WSB2: variants seen among roughly 807,000 people sequenced by gnomAD.
WSB2 encodes the protein WD repeat and SOCS box containing 2, also known as WD repeat and SOCS box-containing protein 2.
A neutral mutation model predicts 48.8 loss-of-function variants in WSB2; 12 were observed. The observed-to-expected ratio is 0.25, with a 90% CI of 0.16 to 0.40. WSB2 has a LOEUF of 0.40. Among genes scored for constraint, WSB2 ranks in the 10% least tolerant of loss-of-function variants. The probability of loss-of-function intolerance (pLI) is 1.00; values close to 1 mark genes in which losing one functional copy is unlikely to be tolerated. For missense variants in WSB2, 317 were observed against 506.2 expected, an observed-to-expected ratio of 0.63 and a Z score of 3.59; for synonymous variants, 191 against 203.1, an observed-to-expected ratio of 0.94 and a Z score of 0.51.
Position 118,043,975 on chromosome 12 carries a change from CG to C in WSB2, c.183-599del, listed in dbSNP as rs1300624077. 2.6e-5 allele frequency among the ~76,000 whole-genome samples: 4 copies of C among 151,858 alleles called. No homozygotes were observed. In the East Asian group the frequency reaches 7.7e-4, roughly 29 times the overall value. ...CTACTAAAAAAAAAAAACAATTCGC[CG>C]GGCGTAGTGGCGGGTGCCTGTAACC... is the stretch of plus-strand genomic sequence containing the variant. On this transcript the variant is annotated intron_variant, in intron 2 of 8. Coordinates refer to ENST00000315436, the MANE Select transcript of WSB2 (RefSeq NM_018639.5).
At position 118,043,515 on chromosome 12, in the gene WSB2, G is replaced by C. The variant is rs556993004; in HGVS notation, c.183-138C>G. 6.4e-5 allele frequency: 85 copies of C among 1,322,644 alleles called. 1 individual carries two copies. The African/African-American group carries it at 1.2e-3, about 18-fold the overall frequency. 81.9% of individuals were successfully genotyped at this position (1,322,644 alleles called of 1,614,324 possible). ...GCTGGCGTACAGTGACACAATCATG[G>C]CTCACTGCAGCCTCGACCTCCCTGT... On this transcript the variant is annotated intron_variant, in intron 2 of 8. Transcript: ENST00000315436.
At chr12:118,036,961 C>A (rs1219669159) in intron 5 of WSB2, among the ~76,000 whole-genome samples, 2 of 152,128 alleles carry the variant, frequency 1.3e-5, no homozygotes, top group African/African-American at 4.8e-5. Flanking sequence ...GTGGGTGGAT[C>A]ACATGAGGCC....
In WSB2 at chr12:118,032,897, A is replaced by G. The variant is rs1369550536; in HGVS notation, c.*1299T>C. 6.6e-6 allele frequency: 1 copy of G among 152,006 alleles called. No individual in the cohort carries two copies. The highest frequency in any genetic ancestry group is 2.4e-5 in the African/African-American group (1 of 41,396). The allele number at this position is 152,006 out of a possible 1,614,324, so 9.4% of individuals were successfully genotyped here. On this transcript the variant is annotated 3_prime_UTR_variant, in exon 9 of 9. Transcript: ENST00000315436. ...TTCTTAATGGAAAAAAATGAAACAG[A>G]GAGCCAAAAGCTTTTAACTGTTGTT...
At position 118,056,891 on chromosome 12, in the gene WSB2, A is replaced by G. The variant is rs564393623; in HGVS notation, c.13+4145T>C. Among the ~76,000 whole-genome samples the G allele has an allele frequency of 9.9e-5, 15 of 152,016 alleles. No individual in the cohort carries two copies. The East Asian group carries it at 2.7e-3, about 27-fold the overall frequency. ...ACTCCAGCCTGGGTGACAGAGCAAGACTCTGTCCCCAAAAAATAAAAAATA... is the reference window on the plus strand; with the variant it reads ...ACTCCAGCCTGGGTGACAGAGCAAGGCTCTGTCCCCAAAAAATAAAAAATA... On this transcript the variant is annotated intron_variant, in intron 1 of 8. Coordinates refer to ENST00000315436, the MANE Select transcript of WSB2 (RefSeq NM_018639.5).
At chr12:118,050,778 G>A (rs1593471193) in intron 2 of WSB2, among the ~76,000 whole-genome samples, 1 of 152,332 alleles carries the variant, frequency 6.6e-6, no homozygotes, top group East Asian at 1.9e-4. Flanking sequence ...TCGGCCAGGT[G>A]TGGTGGCTCA....
intron 2 of WSB2, among the ~76,000 whole-genome samples, chr12:118,048,511 A>G (rs1256209104): frequency 6.6e-6 from 1 of 151,742 alleles, no homozygotes; most frequent in African/African-American, 2.4e-5. Context: ...ACTTGAATCC[A>G]GGAGGCAGAG....
rs572479181 is a variant in WSB2 at position 118,055,783 on chromosome 12, T to C, written c.14-3305A>G. 2.0e-5 allele frequency among the ~76,000 whole-genome samples: 3 copies of C among 151,720 alleles called. No homozygotes were observed. In the South Asian group the frequency reaches 6.3e-4, roughly 32 times the overall value. ...GCGTGCACCACCACACCCAGCTAATTTTTGTATTTTTAGTAGAGACAGGTT... is the reference window on the plus strand; with the variant it reads ...GCGTGCACCACCACACCCAGCTAATCTTTGTATTTTTAGTAGAGACAGGTT... On this transcript the variant is annotated intron_variant, in intron 1 of 8. Transcript: ENST00000315436.
intron 2 of WSB2, among the ~76,000 whole-genome samples, chr12:118,051,621 G>A (rs1369719200): frequency 5.3e-5 from 8 of 152,132 alleles, no homozygotes; most frequent in Non-Finnish European, 1.2e-4. Flanking sequence ...GGGGTTGGGG[G>A]ATCTAAATTA....
chr12:118,054,015 A>G (rs1593473147), intron 1 of WSB2, among the ~76,000 whole-genome samples: 1 of 152,092 alleles, frequency 6.6e-6, no homozygotes, highest in East Asian at 1.9e-4. Flanking sequence ...ACATGATGAT[A>G]ATACAATCCA....
rs2031435925 is a variant in WSB2 at position 118,033,844 on chromosome 12, A to G, written c.*352T>C. ...GGAGTGTGAGCTGCTCTGCCACTAG[A>G]GAGGCTCTGGAGGCCTACTTAGTTG... is the stretch of plus-strand genomic sequence containing the variant. On this transcript the variant is annotated 3_prime_UTR_variant, in exon 9 of 9. Coordinates refer to ENST00000315436, the MANE Select transcript of WSB2 (RefSeq NM_018639.5). The G allele has an allele frequency of 7.5e-6, 2 of 268,062 alleles. No homozygotes were observed. The highest frequency in any genetic ancestry group is 9.4e-5 in the Admixed American group (2 of 21,374). The allele number at this position is 268,062 out of a possible 1,614,324, so 16.6% of individuals were successfully genotyped here.
intron 5 of WSB2, chr12:118,038,039 G>A (rs145867861): frequency 2.4e-3 from 892 of 370,288 alleles, no homozygotes; most frequent in Non-Finnish European, 3.2e-3. Context: ...AAAAGCAATT[G>A]TTTTCCCATT....
Position 118,043,307 on chromosome 12 carries a change from C to T in WSB2, c.253G>A (p.Glu85Lys). The T allele has an allele frequency of 6.2e-7, 1 of 1,612,558 alleles. No homozygotes were observed. The highest frequency in any genetic ancestry group is 1.7e-5 in the Admixed American group (1 of 59,808). Residue 85 changes from glutamate (E) to lysine (K), a missense_variant, in exon 3 of 9, where the codon GAG becomes AAG. By Grantham distance (56) the Glu-to-Lys change is moderately conservative (BLOSUM62 1). This residue lies in a region of WSB2 where 128 missense variants were observed against 156.7 expected (regional missense o/e 0.82). Coordinates refer to ENST00000315436, the MANE Select transcript of WSB2 (RefSeq NM_018639.5). ...NETKGRGSPK[E>K]KTLDCGQIVW... ...ATCTGACCACAGTCCAGCGTCTTCT[C>T]TTTTGGGCTGCCCCGCCCTTTCGTC...
At chr12:118,057,974 T>C (rs1192480615) in intron 1 of WSB2, among the ~76,000 whole-genome samples, 1 of 151,852 alleles carries the variant, frequency 6.6e-6, no homozygotes, top group Non-Finnish European at 1.5e-5. Flanking sequence ...CTGGCTATGT[T>C]GACCAAGCTG....
Position 118,038,296 on chromosome 12 carries a change from C to G in WSB2, c.652G>C (p.Glu218Gln). The G allele has an allele frequency of 6.2e-7, 1 of 1,613,362 alleles. No individual in the cohort carries two copies. The highest frequency in any genetic ancestry group is 8.5e-7 in the Non-Finnish European group (1 of 1,179,802). ...DCSMLCSAAG[E>Q]KSVFLWSMRS... Reference sequence around the variant, plus strand: ...TAACGCTGGAGACTCACCGACTTCTCTCCAGCTGCAGAGCACAGCATGCTG... The same window carrying G: ...TAACGCTGGAGACTCACCGACTTCTGTCCAGCTGCAGAGCACAGCATGCTG... Residue 218 changes from glutamate (E) to glutamine (Q), a missense_variant, in exon 5 of 9, where the codon GAG becomes CAG. Physicochemically the swap from Glu to Gln is conservative, Grantham distance 29 (BLOSUM62 2). This residue lies in a region of WSB2 where 189 missense variants were observed against 349.6 expected (regional missense o/e 0.54). Coordinates refer to ENST00000315436, the MANE Select transcript of WSB2 (RefSeq NM_018639.5).
chr12:118,056,072 G>C (rs545501912), intron 1 of WSB2, among the ~76,000 whole-genome samples: 1 of 152,122 alleles, frequency 6.6e-6, no homozygotes, highest in South Asian at 2.1e-4. Context: ...TGCTCTCCCG[G>C]CTTCCCCTCT....
chr12:118,044,546 C>T (rs755938709), intron 2 of WSB2, among the ~76,000 whole-genome samples: 2 of 152,230 alleles, frequency 1.3e-5, no homozygotes, highest in African/African-American at 4.8e-5. Context: ...GATGGTAACC[C>T]GCACAAGGAT....
chr12:118,040,831 T>C (rs1227446743), intron 4 of WSB2, among the ~76,000 whole-genome samples: 1 of 152,098 alleles, frequency 6.6e-6, no homozygotes, highest in Non-Finnish European at 1.5e-5. Flanking sequence ...GCAGATCACT[T>C]GAGGTCAGGA....
At chr12:118,037,680 AAAG>A (rs1242730711) in intron 5 of WSB2, among the ~76,000 whole-genome samples, 3 of 149,872 alleles carry the variant, frequency 2.0e-5, no homozygotes, top group African/African-American at 7.5e-5. Context: ...AAAAAAAAAA[AAAG>A]AAAAGAAAAG....
chr12:118,056,637 A>T (rs934885928), intron 1 of WSB2, among the ~76,000 whole-genome samples: 1 of 152,210 alleles, frequency 6.6e-6, no homozygotes, highest in Non-Finnish European at 1.5e-5. Context: ...ATGGTAGCTC[A>T]TGCTTGTAAT....
Sources: gnomAD v4.1 joint callset for allele counts (sites outside exome capture counted in the v4.1 genomes callset) on GRCh38, gnomAD v4.1.1 for gene constraint, gnomAD v4.1.1 regional missense constraint, MANE v1.5 for transcripts, NCBI Gene and HGNC (gene_info 2026-07-23, HGNC 2026-07-21) for gene names.